Variants in DOC2A observed in about 807,000 individuals in gnomAD.
DOC2A encodes double C2 domain alpha.
DOC2A carries 28 observed loss-of-function variants against 40.6 expected under a neutral mutation model. That is an observed-to-expected ratio of 0.69 (90% CI 0.51 to 0.95). The LOEUF (loss-of-function observed/expected upper bound fraction) is 0.95, where lower values mean the gene tolerates loss of function less well. DOC2A is among the 40% of genes least tolerant of loss of function. The pLI is 0.00. For missense variants in DOC2A, 474 were observed against 552.5 expected (o/e 0.86, Z 1.42); for synonymous variants, 241 against 236.9 (o/e 1.02, Z -0.16).
Position 30,009,314 on chromosome 16 carries a change from G to A in DOC2A, c.343-38C>T, listed in dbSNP as rs368430709. 7.6e-5 allele frequency: 116 copies of A among 1,534,620 alleles called. 1 individual carries two copies. In the East Asian group the frequency reaches 1.3e-3, roughly 17 times the overall value. On this transcript the variant is annotated intron_variant, in intron 3 of 10. Coordinates refer to ENST00000350119, the MANE Select transcript of DOC2A (RefSeq NM_003586.3). This position sits in a 1 kb window ranked among gnomAD's most constrained non-coding sequence, Gnocchi z 4.1. ...GCAGGGGAGAGGGCTAGAGGCTCCC[G>A]GCACCTCTCTCCATCCCTCTTGTAG...
chr16:30,006,981 C>T lies in DOC2A; in HGVS notation c.715-33G>A, dbSNP rs758609940. 4.3e-6 allele frequency: 7 copies of T among 1,613,806 alleles called. No individual in the cohort carries two copies. The African/African-American group carries it at 8.0e-5, about 18-fold the overall frequency. On this transcript the variant is annotated intron_variant, in intron 7 of 10. Transcript: ENST00000350119. The surrounding 1 kb of genome is among the most constrained non-coding windows in gnomAD (Gnocchi z 6.2). ...GCACAGACTCAGGGTCAGCCTGGGC[C>T]CCTGCAGCCTCCCACCCACATGCAT...
chr16:30,009,901 C>T lies in DOC2A; in HGVS notation c.262+60G>A, dbSNP rs560426366. ...AGCAGGGCCCATCCCCCTCTCCCCC[C>T]ACCACGGCAAGCCTGGAGACCCCCA... On this transcript the variant is annotated intron_variant, in intron 2 of 10. Coordinates refer to ENST00000350119, the MANE Select transcript of DOC2A (RefSeq NM_003586.3). The surrounding 1 kb of genome is among the most constrained non-coding windows in gnomAD (Gnocchi z 4.1). 15 of 1,605,486 alleles carry T rather than the reference C, an allele frequency of 9.3e-6. No individual in the cohort carries two copies. In the East Asian group the frequency reaches 1.3e-4, roughly 14 times the overall value.
In DOC2A at chr16:30,010,419, T is replaced by C; in HGVS notation, c.-13-184A>G. On this transcript the variant is annotated intron_variant, in intron 1 of 10. Coordinates refer to ENST00000350119, the MANE Select transcript of DOC2A (RefSeq NM_003586.3). This position sits in a 1 kb window ranked among gnomAD's most constrained non-coding sequence, Gnocchi z 4.2. ...TGGGCCCTGCAGACCCCAAGCTGACTCCACAGGGGCTGGGCTGCCAACCCA... is the reference window on the plus strand; with the variant it reads ...TGGGCCCTGCAGACCCCAAGCTGACCCCACAGGGGCTGGGCTGCCAACCCA... The C allele has an allele frequency of 1.3e-6, 1 of 767,874 alleles. No homozygotes were observed. The highest frequency in any genetic ancestry group is 1.7e-5 in the African/African-American group (1 of 58,358). 47.6% of individuals were successfully genotyped at this position (767,874 alleles called of 1,614,324 possible). A position where few individuals can be genotyped will look rare whatever the true frequency, so the allele number is the denominator to read the frequency against.
Position 30,009,867 on chromosome 16 carries a change from T to C in DOC2A, c.262+94A>G. 9.0e-7 allele frequency: 1 copy of C among 1,111,008 alleles called. No homozygotes were observed. The highest frequency in any genetic ancestry group is 1.3e-6 in the Non-Finnish European group (1 of 754,630). 68.8% of individuals were successfully genotyped at this position (1,111,008 alleles called of 1,614,324 possible). A position where few individuals can be genotyped will look rare whatever the true frequency, so the allele number is the denominator to read the frequency against. On this transcript the variant is annotated intron_variant, in intron 2 of 10. Coordinates refer to ENST00000350119, the MANE Select transcript of DOC2A (RefSeq NM_003586.3). The surrounding 1 kb of genome is among the most constrained non-coding windows in gnomAD (Gnocchi z 4.1). ...CCACTGCCCTCCTCCCCTACCTACA[T>C]GCACAGCCAGCAGGGCCCATCCCCC... is the stretch of plus-strand genomic sequence containing the variant.
chr16:30,010,053 A>T lies in DOC2A; in HGVS notation c.170T>A (p.Val57Asp), dbSNP rs1360825803. Reference protein sequence around the residue: ...GGGGEAPAHLVPLALAPPAAL... With the variant: ...GGGGEAPAHLDPLALAPPAAL... ...TGCAGGGGGGGCCAGAGCCAGGGGGACCAGATGGGCGGGGGCCTCCCCGCC... is the reference window on the plus strand; with the variant it reads ...TGCAGGGGGGGCCAGAGCCAGGGGGTCCAGATGGGCGGGGGCCTCCCCGCC... The change falls in exon 2 of 11, where the codon GTC becomes GAC. Residue 57 changes from valine to aspartate, a missense_variant. Physicochemically the swap from Val to Asp is radical, Grantham distance 152. Transcript: ENST00000350119. The surrounding 1 kb of genome is among the most constrained non-coding windows in gnomAD (Gnocchi z 4.2). The T allele has an allele frequency of 6.2e-7, 1 of 1,611,248 alleles. No individual in the cohort carries two copies. Among genetic ancestry groups the T allele is most frequent in the Non-Finnish European group, 8.5e-7 (1 of 1,179,110 alleles).
At chr16:30,011,148 G>T, upstream of DOC2A, 1 of 703,472 alleles carries the variant, frequency 1.4e-6, no homozygotes, top group Non-Finnish European at 1.7e-6. Context: ...GGGCCCGCTC[G>T]GGAGCGCACG....
chr16:30,018,454 C>T (rs760410490), intron 1 of DOC2A, among the ~76,000 whole-genome samples: 5 of 152,176 alleles, frequency 3.3e-5, no homozygotes, highest in South Asian at 4.2e-4. Flanking sequence ...CCAAATTTCT[C>T]GGATTACAGG....
chr16:30,007,421 G>A, intron 5 of DOC2A, 122 bp from the exon 6 acceptor site: 3 of 1,414,588 alleles, frequency 2.1e-6, no homozygotes, highest in Non-Finnish European at 3.0e-6. Context: ...AAGACAGGCT[G>A]GCACTTGAGA....
chr16:30,009,890 C>T lies in DOC2A; in HGVS notation c.262+71G>A. The T allele has an allele frequency of 6.3e-7, 1 of 1,593,416 alleles. No individual in the cohort carries two copies. Among genetic ancestry groups the T allele is most frequent in the Non-Finnish European group, 8.6e-7 (1 of 1,165,226 alleles). Reference sequence around the variant, plus strand: ...CATGCACAGCCAGCAGGGCCCATCCCCCTCTCCCCCCACCACGGCAAGCCT... The same window carrying T: ...CATGCACAGCCAGCAGGGCCCATCCTCCTCTCCCCCCACCACGGCAAGCCT... On this transcript the variant is annotated intron_variant, in intron 2 of 10. Coordinates refer to ENST00000350119, the MANE Select transcript of DOC2A (RefSeq NM_003586.3). The surrounding 1 kb of genome is among the most constrained non-coding windows in gnomAD (Gnocchi z 4.1).
chr16:30,007,146 T>C, intron 6 of DOC2A, 27 bp downstream of exon 6: 1 of 1,613,540 alleles, frequency 6.2e-7, no homozygotes, highest in South Asian at 1.1e-5. Context: ...CCCCCTCCCC[T>C]GGCGCCCCTG....
upstream of DOC2A, among the ~76,000 whole-genome samples, chr16:30,017,139 A>T (rs1279744273): frequency 6.6e-6 from 1 of 151,932 alleles, no homozygotes; most frequent in African/African-American, 2.4e-5. Context: ...ATTAGCCAGG[A>T]GTGGTGGTGT....
At chr16:30,022,736 GA>G (rs1385572437), upstream of DOC2A, among the ~76,000 whole-genome samples, 4 of 152,080 alleles carry the variant, frequency 2.6e-5, no homozygotes, top group Non-Finnish European at 5.9e-5. Context: ...AGGAGTTCAA[GA>G]CCAGCCTGAC....
chr16:30,017,551 A>G (rs2070866370), intron 1 of DOC2A, among the ~76,000 whole-genome samples: 1 of 152,196 alleles, frequency 6.6e-6, no homozygotes, highest in Admixed American at 6.5e-5. Context: ...ACAGAAAATC[A>G]AATACCACAT....
In DOC2A at chr16:30,009,763, G is replaced by C. The variant is rs1198218200; in HGVS notation, c.262+198C>G. ...GTGTGGGTGGTGGAGTGTCTCAGCA[G>C]AAATACTGAATATTGAGCCTTGCTG... On this transcript the variant is annotated intron_variant, in intron 2 of 10. Transcript: ENST00000350119. The surrounding 1 kb of genome is among the most constrained non-coding windows in gnomAD (Gnocchi z 4.1). 6.6e-6 allele frequency among the ~76,000 whole-genome samples: 1 copy of C among 152,090 alleles called. No homozygotes were observed. Among genetic ancestry groups the C allele is most frequent in the Non-Finnish European group, 1.5e-5 (1 of 68,006 alleles).
upstream of DOC2A, among the ~76,000 whole-genome samples, chr16:30,017,121 A>G (rs901058502): frequency 6.6e-6 from 1 of 152,064 alleles, no homozygotes; most frequent in Non-Finnish European, 1.5e-5. Context: ...CCCTGTCTAA[A>G]AAAAAAAATT....
At position 30,007,034 on chromosome 16, in the gene DOC2A, C is replaced by T. The variant is rs755619434; in HGVS notation, c.711G>A (p.Lys237=). The T allele has an allele frequency of 6.2e-7, 1 of 1,613,922 alleles. No individual in the cohort carries two copies. Among genetic ancestry groups the T allele is most frequent in the East Asian group, 2.2e-5 (1 of 44,840 alleles). Residue 237 remains lysine, a synonymous_variant, in exon 7 of 11, where the codon AAG becomes AAA. Transcript: ENST00000350119. ...AALRGISCYL[K]ELEQAEQGQG... is the part of the protein sequence containing the mutation. ...CCATCCCCATGAGGTGCCTCACCTC[C>T]TTCAGATAACAGGAGATGCCCCTCA...
At position 30,006,247 on chromosome 16, in the gene DOC2A, T is replaced by C; in HGVS notation, c.1142A>G (p.Glu381Gly). The change falls in exon 11 of 11, where the codon GAG becomes GGG. Residue 381 changes from glutamate to glycine, a missense_variant. Transcript: ENST00000350119. The surrounding 1 kb of genome is among the most constrained non-coding windows in gnomAD (Gnocchi z 6.2). ...DCLQQPDAALERWHTLTSELP... is the reference protein window; with the variant it reads ...DCLQQPDAALGRWHTLTSELP... ...CTCACTGGTCAGGGTGTGCCAGCGC[T>C]CCAGGGCTGCGTCCGGCTGCTGCAG... is the stretch of plus-strand genomic sequence containing the variant. The C allele has an allele frequency of 6.3e-7, 1 of 1,594,894 alleles. No homozygotes were observed. The highest frequency in any genetic ancestry group is 1.3e-5 in the African/African-American group (1 of 74,692).
At chr16:30,011,541 T>TC (rs2070780649), upstream of DOC2A, 1 of 316,492 alleles carries the variant, frequency 3.2e-6, no homozygotes, top group Non-Finnish European at 4.2e-6. Context: ...CCGGCTCATC[T>TC]CCCCCCACCC....
Position 30,010,483 on chromosome 16 carries a change from C to G in DOC2A, c.-13-248G>C. On this transcript the variant is annotated intron_variant, in intron 1 of 10. Coordinates refer to ENST00000350119, the MANE Select transcript of DOC2A (RefSeq NM_003586.3). This position sits in a 1 kb window ranked among gnomAD's most constrained non-coding sequence, Gnocchi z 4.2. ...TCGAGGTTGCACCACCCCGTCCTCA[C>G]CCACCCACTTCTAGGTTGTCCCTGT... 1 of 591,122 alleles carries G rather than the reference C, an allele frequency of 1.7e-6. No homozygotes were observed. Among genetic ancestry groups the G allele is most frequent in the South Asian group, 1.9e-5 (1 of 51,960 alleles). The allele number at this position is 591,122 out of a possible 1,614,324, so 36.6% of individuals were successfully genotyped here.
Sources: allele counts gnomAD v4.1 joint callset (sites outside exome capture counted in the v4.1 genomes callset), GRCh38; gene constraint gnomAD v4.1.1; non-coding constraint Gnocchi (gnomAD v3.1); transcripts MANE v1.5; gene names NCBI Gene and HGNC (gene_info 2026-07-23, HGNC 2026-07-21).